The following ACOXL variants were observed in gnomAD, a reference collection of about 807,000 sequenced individuals.
The protein encoded by ACOXL is acyl-coenzyme A oxidase-like protein.
In ACOXL, 70 loss-of-function variants were observed where a neutral mutation model predicts 71.9. That is an observed-to-expected ratio of 0.97 (90% CI 0.80 to 1.19). The LOEUF is 1.19. ACOXL is among the 50% of genes most tolerant of loss of function. The pLI, the probability that ACOXL is intolerant of heterozygous loss-of-function variation, is 0.00. For synonymous variants in ACOXL, 253 were observed against 281.6 expected, an observed-to-expected ratio of 0.90 and a Z score of 1.02; for missense variants, 703 against 736.3, an observed-to-expected ratio of 0.95 and a Z score of 0.52.
chr2:110,956,581 C>G (rs2061509656), intron 12 of ACOXL, among the ~76,000 whole-genome samples: 1 of 152,142 alleles, frequency 6.6e-6, no homozygotes, highest in African/African-American at 2.4e-5. Context: ...GGTTTCTGCA[C>G]CACTGGGCAC....
intron 10 of ACOXL, among the ~76,000 whole-genome samples, chr2:110,874,398 G>T (rs1020378393): frequency 6.6e-6 from 1 of 151,352 alleles, no homozygotes; most frequent in East Asian, 2.0e-4. Flanking sequence ...GACATCCCTC[G>T]GTCAGAGCTG....
intron 10 of ACOXL, among the ~76,000 whole-genome samples, chr2:110,873,174 C>T (rs2149049922): frequency 6.6e-6 from 1 of 152,302 alleles, no homozygotes; most frequent in South Asian, 2.1e-4. Flanking sequence ...GTGTTGTGCA[C>T]ACCATGGGTC....
chr2:110,978,394 C>T (rs575975420), intron 12 of ACOXL, among the ~76,000 whole-genome samples: 77 of 152,316 alleles, frequency 5.1e-4, no homozygotes, highest in African/African-American at 1.6e-3. Flanking sequence ...AATACTATTA[C>T]GTTGGCAACA....
intron 12 of ACOXL, among the ~76,000 whole-genome samples, chr2:110,936,016 C>G (rs567934251): frequency 6.6e-6 from 1 of 152,086 alleles, no homozygotes; most frequent in African/African-American, 2.4e-5. Flanking sequence ...GCTGAACTGA[C>G]AGGAGGTGGA....
chr2:110,824,006 C>T (rs539995878), intron 9 of ACOXL, among the ~76,000 whole-genome samples: 39 of 152,156 alleles, frequency 2.6e-4, no homozygotes, highest in African/African-American at 8.7e-4. Flanking sequence ...ATGGATTGTG[C>T]TTTTGGTGCT....
At chr2:110,750,516 A>C (rs1678787676) in intron 1 of ACOXL, among the ~76,000 whole-genome samples, 1 of 151,290 alleles carries the variant, frequency 6.6e-6, no homozygotes. Flanking sequence ...TACTTAAGAA[A>C]ACAATGGCCC....
intron 10 of ACOXL, among the ~76,000 whole-genome samples, chr2:110,907,069 C>T (rs544527225): frequency 5.0e-4 from 76 of 152,298 alleles, no homozygotes; most frequent in Non-Finnish European, 8.5e-4. Flanking sequence ...ATAGACTGGG[C>T]GGCTTAAGTA....
At chr2:111,013,522 CAAAA>C (rs56905916) in intron 14 of ACOXL, among the ~76,000 whole-genome samples, 8,072 of 95,464 alleles carry the variant, frequency 0.085, 374 homozygotes, top group African/African-American at 0.21. Flanking sequence ...GACCCTGTCT[CAAAA>C]AAAAAAAAAA....
At chr2:111,067,482 A>G (rs1028539830) in intron 16 of ACOXL, among the ~76,000 whole-genome samples, 10 of 152,242 alleles carry the variant, frequency 6.6e-5, no homozygotes, top group Non-Finnish European at 1.0e-4. Context: ...AATTCTCCGG[A>G]AAATAAATGG....
intron 9 of ACOXL, among the ~76,000 whole-genome samples, chr2:110,809,900 C>T (rs1402310308): frequency 2.0e-5 from 3 of 152,210 alleles, no homozygotes; most frequent in Non-Finnish European, 4.4e-5. Flanking sequence ...AGGCTGCATG[C>T]TGCCACTGCT....
chr2:110,984,139 C>T (rs947561370), intron 12 of ACOXL, among the ~76,000 whole-genome samples: 1 of 152,120 alleles, frequency 6.6e-6, no homozygotes, highest in Admixed American at 6.5e-5. Flanking sequence ...CACCACTGCG[C>T]CTGGCCAAGA....
At chr2:110,986,961 T>G in intron 12 of ACOXL, 147 bp from the exon 13 acceptor site, 1 of 671,706 alleles carries the variant, frequency 1.5e-6, no homozygotes, top group Non-Finnish European at 2.5e-6. Flanking sequence ...CTTGGGGAAA[T>G]AGAGACCCTT....
chr2:110,943,728 C>T (rs545929111), intron 12 of ACOXL, among the ~76,000 whole-genome samples: 16 of 152,154 alleles, frequency 1.1e-4, no homozygotes, highest in South Asian at 2.1e-4. Context: ...GACCTTCCTA[C>T]GGATTCTCTG....
intron 9 of ACOXL, among the ~76,000 whole-genome samples, chr2:110,837,519 G>T (rs1690604078): frequency 6.6e-6 from 1 of 151,862 alleles, no homozygotes; most frequent in South Asian, 2.1e-4. Flanking sequence ...TGCTTTATAG[G>T]GCGTATCTGG....
In ACOXL at chr2:110,989,783, C is replaced by A. The variant is rs13004801; in HGVS notation, c.1169+2566C>A. ...AATGGGCTGGGCACAGTGGCTTATG[C>A]GTGTATCAGCACTTTGGGAGGCTGA... On this transcript the variant is annotated intron_variant, in intron 13 of 17. Coordinates refer to ENST00000439055, the MANE Select transcript of ACOXL (RefSeq NM_001142807.4). 3.3e-5 allele frequency among the ~76,000 whole-genome samples: 5 copies of A among 152,212 alleles called. No homozygotes were observed. In the East Asian group the frequency reaches 9.6e-4, roughly 29 times the overall value.
At chr2:110,793,211 C>T (rs562799370) in intron 3 of ACOXL, among the ~76,000 whole-genome samples, 8 of 152,326 alleles carry the variant, frequency 5.3e-5, no homozygotes, top group South Asian at 2.1e-4. Flanking sequence ...CCTTTTGCAG[C>T]GTTGCCTCTT....
At chr2:110,756,207 A>T (rs1230318778) in intron 1 of ACOXL, among the ~76,000 whole-genome samples, 1 of 151,818 alleles carries the variant, frequency 6.6e-6, no homozygotes, top group Non-Finnish European at 1.5e-5. Flanking sequence ...GCTCACTGCA[A>T]CCTCCGCCTC....
intron 12 of ACOXL, chr2:110,963,477 G>A: frequency 8.0e-7 from 1 of 1,253,212 alleles, no homozygotes; most frequent in Middle Eastern, 2.5e-4. Context: ...GGAGAAATAT[G>A]ATTGTTTACC....
intron 10 of ACOXL, among the ~76,000 whole-genome samples, chr2:110,883,726 G>T (rs10186144): frequency 6.6e-6 from 1 of 151,876 alleles, no homozygotes; most frequent in South Asian, 2.1e-4. Flanking sequence ...TGATTTAAAT[G>T]TATTTTATTA....
Sources: allele counts gnomAD v4.1 joint callset (sites outside exome capture counted in the v4.1 genomes callset), GRCh38; gene constraint gnomAD v4.1.1; transcripts MANE v1.5; gene names NCBI Gene and HGNC (gene_info 2026-07-23, HGNC 2026-07-21).